The following SLMAP variants were observed in gnomAD, a reference collection of about 807,000 sequenced individuals.
The protein encoded by SLMAP is sarcolemmal membrane-associated protein.
A neutral mutation model predicts 128.8 loss-of-function variants in SLMAP; 44 were observed. That is an observed-to-expected ratio of 0.34 (90% confidence interval 0.27 to 0.44). The LOEUF (loss-of-function observed/expected upper bound fraction) is 0.44, where lower values mean the gene tolerates loss of function less well. Ranked by LOEUF, SLMAP falls within the 20% of genes least tolerant of loss-of-function variation. SLMAP has a pLI of 1.00. For synonymous variants in SLMAP, 327 were observed against 348.8 expected, an observed-to-expected ratio of 0.94 and a Z score of 0.70; for missense variants, 787 against 985.3, an observed-to-expected ratio of 0.80 and a Z score of 2.69.
At chr3:57,779,508 C>CAAAAAA (rs75146875) in intron 2 of SLMAP, among the ~76,000 whole-genome samples, 2 of 79,786 alleles carry the variant, frequency 2.5e-5, no homozygotes, top group African/African-American at 5.5e-5. Flanking sequence ...GACCCTGTTT[C>CAAAAAA]AAAAAAAAAA....
At chr3:57,843,068 A>G (rs1456625084) in intron 4 of SLMAP, among the ~76,000 whole-genome samples, 1 of 152,212 alleles carries the variant, frequency 6.6e-6, no homozygotes, top group Non-Finnish European at 1.5e-5. Flanking sequence ...ATAAGCACAC[A>G]ATAAACTTTA....
intron 2 of SLMAP, among the ~76,000 whole-genome samples, chr3:57,798,018 T>C (rs2087193371): frequency 6.6e-6 from 1 of 152,176 alleles, no homozygotes; most frequent in Non-Finnish European, 1.5e-5. Flanking sequence ...CAGATAATAA[T>C]AATACCTCAT....
At chr3:57,776,516 C>CTG (rs2081965476) in intron 2 of SLMAP, among the ~76,000 whole-genome samples, 3 of 123,052 alleles carry the variant, frequency 2.4e-5, no homozygotes, top group Admixed American at 8.0e-5. Context: ...TTCTCTCTCT[C>CTG]TCTCTCTTTT....
At chr3:57,881,527 G>A (rs1467673532) in intron 14 of SLMAP, among the ~76,000 whole-genome samples, 2 of 152,046 alleles carry the variant, frequency 1.3e-5, no homozygotes, top group South Asian at 4.1e-4. Context: ...GTGCGATCTC[G>A]GCTCACTGCA....
At chr3:57,769,037 C>T (rs1214943930) in intron 2 of SLMAP, among the ~76,000 whole-genome samples, 1 of 152,096 alleles carries the variant, frequency 6.6e-6, no homozygotes, top group African/African-American at 2.4e-5. Flanking sequence ...AGAGCCTTGA[C>T]TAACATAGGA....
intron 2 of SLMAP, among the ~76,000 whole-genome samples, chr3:57,772,598 T>A (rs2081098870): frequency 6.6e-6 from 1 of 152,218 alleles, no homozygotes; most frequent in Non-Finnish European, 1.5e-5. Context: ...GTGATGATGC[T>A]TCTGCTCTGC....
chr3:57,885,261 A>G (rs1008415447), intron 14 of SLMAP, among the ~76,000 whole-genome samples: 1 of 150,954 alleles, frequency 6.6e-6, no homozygotes, highest in African/African-American at 2.4e-5. Context: ...TAGTAGAGAC[A>G]AGGTTTCTCC....
At chr3:57,816,466 C>A (rs1466573050) in intron 2 of SLMAP, among the ~76,000 whole-genome samples, 1 of 152,160 alleles carries the variant, frequency 6.6e-6, no homozygotes, top group Non-Finnish European at 1.5e-5. Context: ...TTAATATATG[C>A]TCTGCTCCAT....
intron 6 of SLMAP, among the ~76,000 whole-genome samples, chr3:57,857,449 A>G (rs1182250522): frequency 6.6e-6 from 1 of 152,242 alleles, no homozygotes; most frequent in African/African-American, 2.4e-5. Context: ...TAGAACAATT[A>G]CAACAGTATA....
At chr3:57,795,570 T>C (rs2086538577) in intron 2 of SLMAP, among the ~76,000 whole-genome samples, 1 of 151,996 alleles carries the variant, frequency 6.6e-6, no homozygotes, top group Admixed American at 6.6e-5. Context: ...AAAAATTGGA[T>C]TATCAGTTGT....
At chr3:57,760,877 G>A (rs894014542) in intron 2 of SLMAP, among the ~76,000 whole-genome samples, 3 of 152,038 alleles carry the variant, frequency 2.0e-5, no homozygotes, top group African/African-American at 4.8e-5. Flanking sequence ...ACAGGCATGC[G>A]CCACCACGCG....
intron 2 of SLMAP, among the ~76,000 whole-genome samples, chr3:57,783,124 G>A (rs2083389826): frequency 6.6e-6 from 1 of 152,224 alleles, no homozygotes; most frequent in Non-Finnish European, 1.5e-5. Flanking sequence ...TTTGGAACTG[G>A]GTAATGGGTA....
At position 57,831,374 on chromosome 3, in the gene SLMAP, T is replaced by TG. The variant is rs748767113; in HGVS notation, c.199-9_199-8insG. On this transcript the variant is annotated splice_polypyrimidine_tract_variant and intron_variant, in intron 2 of 24. Transcript: ENST00000671191. The stretch of plus-strand genomic sequence containing the variant: ...TTTGGCCCTTTTTTGTTTTTGTTTT[T>TG]TTTTGCAGTTTTATCTTCAAGACAC... 6.8e-7 allele frequency: 1 copy of TG among 1,474,014 alleles called. No individual in the cohort carries two copies. The highest frequency in any genetic ancestry group is 2.5e-5 in the Admixed American group (1 of 40,724). 91.3% of individuals were successfully genotyped at this position (1,474,014 alleles called of 1,614,324 possible).
intron 2 of SLMAP, among the ~76,000 whole-genome samples, chr3:57,767,527 G>T (rs544952491): frequency 2.0e-5 from 3 of 152,140 alleles, no homozygotes; most frequent in Non-Finnish European, 2.9e-5. Context: ...TTTTTGGATC[G>T]TAGATCCAAA....
intron 2 of SLMAP, among the ~76,000 whole-genome samples, chr3:57,761,785 C>T (rs1353802814): frequency 6.6e-6 from 1 of 151,052 alleles, no homozygotes; most frequent in Non-Finnish European, 1.5e-5. Context: ...CGGTGGCTCA[C>T]GCCTGTAATC....
chr3:57,836,699 T>G (rs1481654400), intron 3 of SLMAP, among the ~76,000 whole-genome samples: 1 of 152,166 alleles, frequency 6.6e-6, no homozygotes, highest in Non-Finnish European at 1.5e-5. Context: ...AACTCAATGG[T>G]CAGGCATGTA....
chr3:57,865,418 C>G (rs2095270840), intron 13 of SLMAP, 126 bp downstream of exon 13: 1 of 435,466 alleles, frequency 2.3e-6, no homozygotes, highest in Non-Finnish European at 4.0e-6. Flanking sequence ...CATTGAACCC[C>G]ATCATTTAAA....
intron 6 of SLMAP, among the ~76,000 whole-genome samples, chr3:57,853,343 A>G (rs2094574151): frequency 6.6e-6 from 1 of 152,222 alleles, no homozygotes; most frequent in South Asian, 2.1e-4. Flanking sequence ...CTCTAAGTAG[A>G]CAAAATTTTC....
chr3:57,799,781 A>G (rs1402971014), intron 2 of SLMAP, among the ~76,000 whole-genome samples: 3 of 152,168 alleles, frequency 2.0e-5, no homozygotes, highest in East Asian at 1.9e-4. Flanking sequence ...ATTTTATGCC[A>G]TAGTACAAAC....
Sources: gnomAD v4.1 joint callset for allele counts (sites outside exome capture counted in the v4.1 genomes callset) on GRCh38, gnomAD v4.1.1 for gene constraint, MANE v1.5 for transcripts, NCBI Gene and HGNC (gene_info 2026-07-23, HGNC 2026-07-21) for gene names.